Variants in SEPTIN9 observed in about 807,000 individuals in gnomAD.
SEPTIN9 encodes septin-9.
Under a neutral mutation model 56.6 loss-of-function variants are expected in SEPTIN9, and 13 were observed. The observed-to-expected ratio is 0.23, with a 90% CI of 0.15 to 0.37. The LOEUF is 0.37. SEPTIN9 is among the 10% of genes least tolerant of loss of function. The pLI, the probability that SEPTIN9 is intolerant of heterozygous loss-of-function variation, is 1.00. For synonymous variants in SEPTIN9, 332 were observed against 334.1 expected (o/e 0.99, Z 0.07); for missense variants, 650 against 823.1 (o/e 0.79, Z 2.57).
intron 1 of SEPTIN9, among the ~76,000 whole-genome samples, chr17:77,302,220 C>T (rs898383617): frequency 6.6e-6 from 1 of 152,190 alleles, no homozygotes; most frequent in African/African-American, 2.4e-5. Context: ...GTAATCCCAG[C>T]GTGAGGCCAA....
intron 3 of SEPTIN9, among the ~76,000 whole-genome samples, chr17:77,457,025 G>A (rs531413166): frequency 1.6e-4 from 25 of 152,350 alleles, no homozygotes; most frequent in South Asian, 8.3e-4. Context: ...GGTCTCAGGG[G>A]ACTCAGACTC....
Position 77,492,523 on chromosome 17 carries a change from C to A in SEPTIN9, c.1381-98C>A. On this transcript the variant is annotated intron_variant, in intron 8 of 11. Coordinates refer to ENST00000427177, the MANE Select transcript of SEPTIN9 (RefSeq NM_001113491.2). This position sits in a 1 kb window ranked among gnomAD's most constrained non-coding sequence, Gnocchi z 5.4. ...CCAGAGCCTGCCCTTGAACCCGAGCCTGGGGCAGCACACAGTGTGGAGGTC... is the reference window on the plus strand; with the variant it reads ...CCAGAGCCTGCCCTTGAACCCGAGCATGGGGCAGCACACAGTGTGGAGGTC... 1 of 1,098,968 alleles carries A rather than the reference C, an allele frequency of 9.1e-7. No homozygotes were observed. The highest frequency in any genetic ancestry group is 1.4e-6 in the Non-Finnish European group (1 of 711,360). 68.1% of individuals were successfully genotyped at this position (1,098,968 alleles called of 1,614,324 possible). A position where few individuals can be genotyped will look rare whatever the true frequency, so the allele number is the denominator to read the frequency against.
At chr17:77,373,571 G>C in intron 2 of SEPTIN9, 1 of 1,542,310 alleles carries the variant, frequency 6.5e-7, no homozygotes, top group Non-Finnish European at 8.7e-7. Context: ...TGGGCTGGCT[G>C]CTGCGGCCGC....
In SEPTIN9 at chr17:77,367,685, G is replaced by A. The variant is rs2034611219; in HGVS notation, c.77-34374G>A. Among the ~76,000 whole-genome samples, 2 of 151,976 alleles carry A rather than the reference G, an allele frequency of 1.3e-5. No individual in the cohort carries two copies. Among genetic ancestry groups the A allele is most frequent in the Non-Finnish European group, 2.9e-5 (2 of 67,992 alleles). On this transcript the variant is annotated intron_variant, in intron 2 of 11. Transcript: ENST00000427177. This position sits in a 1 kb window ranked among gnomAD's most constrained non-coding sequence, Gnocchi z 4.5. ...ACAAAAATTAGCCGGGCATGGTAGCGGGTGCCTGTAATCCCAGCTACTCGG... is the reference window on the plus strand; with the variant it reads ...ACAAAAATTAGCCGGGCATGGTAGCAGGTGCCTGTAATCCCAGCTACTCGG...
Position 77,450,888 on chromosome 17 carries a change from C to G in SEPTIN9, c.722-31256C>G, listed in dbSNP as rs796781884. Reference sequence around the variant, plus strand: ...GGGTAGAGGGGACAAACCCAGGTGGCTGTGTTCCAGCCCTGGCTGCAGGTC... The same window carrying G: ...GGGTAGAGGGGACAAACCCAGGTGGGTGTGTTCCAGCCCTGGCTGCAGGTC... On this transcript the variant is annotated intron_variant, in intron 3 of 11. Transcript: ENST00000427177. This position sits in a 1 kb window ranked among gnomAD's most constrained non-coding sequence, Gnocchi z 6.0. The G allele has an allele frequency of 1.2e-6, 1 of 837,776 alleles. No homozygotes were observed. The highest frequency in any genetic ancestry group is 1.4e-6 in the Non-Finnish European group (1 of 695,426). 51.9% of individuals were successfully genotyped at this position (837,776 alleles called of 1,614,324 possible). A position where few individuals can be genotyped will look rare whatever the true frequency, so the allele number is the denominator to read the frequency against.
chr17:77,320,934 C>A (rs777533925), intron 2 of SEPTIN9, among the ~76,000 whole-genome samples: 1 of 152,186 alleles, frequency 6.6e-6, no homozygotes, highest in African/African-American at 2.4e-5. Flanking sequence ...GCCCCCTTGC[C>A]GCAGGCACAG....
chr17:77,403,220 G>A (rs1483173259), intron 3 of SEPTIN9, among the ~76,000 whole-genome samples: 2 of 152,314 alleles, frequency 1.3e-5, no homozygotes, highest in East Asian at 3.9e-4. Context: ...TGCCTCCTGA[G>A]GCTTGCATTG....
intron 3 of SEPTIN9, among the ~76,000 whole-genome samples, chr17:77,478,830 A>G (rs1250394779): frequency 6.6e-6 from 1 of 152,038 alleles, no homozygotes; most frequent in Non-Finnish European, 1.5e-5. Flanking sequence ...AGGGTGGAAC[A>G]TACAAGGAAT....
At chr17:77,387,165 CA>C (rs1411627370) in intron 2 of SEPTIN9, among the ~76,000 whole-genome samples, 1 of 152,218 alleles carries the variant, frequency 6.6e-6, no homozygotes, top group Non-Finnish European at 1.5e-5. Context: ...GCCAGAAGTC[CA>C]AAATCAAGGT....
intron 2 of SEPTIN9, among the ~76,000 whole-genome samples, chr17:77,309,915 A>T (rs1245142445): frequency 6.6e-6 from 1 of 151,318 alleles, no homozygotes; most frequent in Non-Finnish European, 1.5e-5. Flanking sequence ...GCCCCTCTGG[A>T]TTGGGATCTG....
At chr17:77,307,033 G>A (rs919572094) in intron 1 of SEPTIN9, 108 bp from the exon 2 acceptor site, 37 of 1,073,652 alleles carry the variant, frequency 3.4e-5, no homozygotes, top group Non-Finnish European at 5.1e-5. Flanking sequence ...TCTGGCTCTG[G>A]AACTCACAGC....
In SEPTIN9 at chr17:77,476,760, C is replaced by T. The variant is rs2039230261; in HGVS notation, c.722-5384C>T. 6.6e-6 allele frequency among the ~76,000 whole-genome samples: 1 copy of T among 152,214 alleles called. No homozygotes were observed. Among genetic ancestry groups the T allele is most frequent in the Non-Finnish European group, 1.5e-5 (1 of 68,038 alleles). ...ACCTGACACCTCCGCCTGGCTGCCA[C>T]CCTAGAAACACCCTTGCTGCAAGAA... On this transcript the variant is annotated intron_variant, in intron 3 of 11. Transcript: ENST00000427177. The surrounding 1 kb of genome is among the most constrained non-coding windows in gnomAD (Gnocchi z 6.0).
At chr17:77,355,830 A>G (rs2034214046) in intron 2 of SEPTIN9, among the ~76,000 whole-genome samples, 1 of 151,096 alleles carries the variant, frequency 6.6e-6, no homozygotes, top group African/African-American at 2.4e-5. Context: ...AAAATACAAA[A>G]AATTAGCCGG....
At position 77,310,914 on chromosome 17, in the gene SEPTIN9, C is replaced by A. The variant is rs956092848; in HGVS notation, c.76+3717C>A. 1.3e-5 allele frequency among the ~76,000 whole-genome samples: 2 copies of A among 152,160 alleles called. No homozygotes were observed. The highest frequency in any genetic ancestry group is 1.3e-4 in the Admixed American group (2 of 15,276). ...TTCCAATACCTCTGGGGTGTGTGGC[C>A]TTTTCCCCAGTGCCCCCATCATCCC... is the stretch of plus-strand genomic sequence containing the variant. On this transcript the variant is annotated intron_variant, in intron 2 of 11. Transcript: ENST00000427177. The surrounding 1 kb of genome is among the most constrained non-coding windows in gnomAD (Gnocchi z 4.7).
intron 3 of SEPTIN9, among the ~76,000 whole-genome samples, chr17:77,466,200 C>T (rs1206874254): frequency 2.6e-5 from 4 of 152,212 alleles, no homozygotes; most frequent in South Asian, 2.1e-4. Flanking sequence ...CGCATCTGGG[C>T]ACCCACTGCC....
chr17:77,415,035 A>G (rs1475515500), intron 3 of SEPTIN9, among the ~76,000 whole-genome samples: 1 of 152,154 alleles, frequency 6.6e-6, no homozygotes, highest in Non-Finnish European at 1.5e-5. Context: ...CATTGTGGAC[A>G]GACATGTTGC....
chr17:77,482,154 G>T lies in SEPTIN9; in HGVS notation c.732G>T (p.Ala244=). Residue 244 remains alanine, a synonymous_variant, in exon 4 of 12, where the codon GCG becomes GCT. Coordinates refer to ENST00000427177, the MANE Select transcript of SEPTIN9 (RefSeq NM_001113491.2). ...ATPRSQEATE[A]APSCVGDMAD... ...CTGTTCCTTCCCCAGCCACTGAGGC[G>T]GCTCCCAGCTGCGTTGGCGACATGG... The T allele has an allele frequency of 6.3e-7, 1 of 1,577,758 alleles. No homozygotes were observed. Among genetic ancestry groups the T allele is most frequent in the East Asian group, 2.3e-5 (1 of 42,908 alleles).
rs1001980564 is a variant in SEPTIN9, at chr17:77,317,491, C to T, written c.76+10294C>T. On this transcript the variant is annotated intron_variant, in intron 2 of 11. Coordinates refer to ENST00000427177, the MANE Select transcript of SEPTIN9 (RefSeq NM_001113491.2). The surrounding 1 kb of genome is among the most constrained non-coding windows in gnomAD (Gnocchi z 4.2). ...AGAGTGAACCGTATTGTGAACGGCA[C>T]ATGTGAGGGATCTAGGTTGCGTGCT... 3.3e-5 allele frequency among the ~76,000 whole-genome samples: 5 copies of T among 152,168 alleles called. No individual in the cohort carries two copies. The highest frequency in any genetic ancestry group is 5.9e-5 in the Non-Finnish European group (4 of 68,036).
intron 2 of SEPTIN9, among the ~76,000 whole-genome samples, chr17:77,328,218 G>C (rs1322723684): frequency 6.6e-6 from 1 of 152,194 alleles, no homozygotes; most frequent in Non-Finnish European, 1.5e-5. Context: ...CCATGCCCAG[G>C]CACTGCCTCT....
Sources: allele counts gnomAD v4.1 joint callset (sites outside exome capture counted in the v4.1 genomes callset), GRCh38; gene constraint gnomAD v4.1.1; non-coding constraint Gnocchi (gnomAD v3.1); transcripts MANE v1.5; gene names NCBI Gene and HGNC (gene_info 2026-07-23, HGNC 2026-07-21).